Variants in ADAM8 observed in about 807,000 individuals in gnomAD.
ADAM8 encodes ADAM metallopeptidase domain 8, also known as disintegrin and metalloproteinase domain-containing protein 8.
ADAM8 carries 104 observed loss-of-function variants against 102.4 expected under a neutral mutation model. That is an observed-to-expected ratio of 1.02 (90% CI 0.87 to 1.20). The LOEUF (loss-of-function observed/expected upper bound fraction) is 1.20, where lower values mean the gene tolerates loss of function less well. ADAM8 is among the 50% of genes most tolerant of loss of function. The pLI is 0.00. For synonymous variants in ADAM8, 517 were observed against 485.2 expected (o/e 1.07, Z -0.86); for missense variants, 1,132 against 1,159.0 (o/e 0.98, Z 0.34).
At chr10:133,263,843 C>T in intron 21 of ADAM8, 78 bp from the exon 22 acceptor site, 1 of 1,252,934 alleles carries the variant, frequency 8.0e-7, no homozygotes, top group African/African-American at 1.6e-5. Context: ...TTCTCTGGAC[C>T]TGGAACGAAG....
At chr10:133,274,923 C>T (rs780572443) in intron 2 of ADAM8, 8 of 423,082 alleles carry the variant, frequency 1.9e-5, no homozygotes, top group South Asian at 6.5e-5. Context: ...CCCAGGGCAG[C>T]GGGCAGGTCG....
rs745801799 is a variant in ADAM8, at chr10:133,267,339, C to G, written c.2319+13G>C. The G allele has an allele frequency of 6.2e-7, 1 of 1,604,240 alleles. No individual in the cohort carries two copies. The highest frequency in any genetic ancestry group is 8.5e-7 in the Non-Finnish European group (1 of 1,176,726). ...CCCTCAGAAGGCTTGGCCGCCCAAT[C>G]ACCACTGCTCACCTGCTTTGGTGCC... On this transcript the variant is annotated intron_variant, in intron 21 of 22. Coordinates refer to ENST00000445355, the MANE Select transcript of ADAM8 (RefSeq NM_001109.5).
chr10:133,264,605 G>A (rs1380536021), intron 21 of ADAM8, among the ~76,000 whole-genome samples: 1 of 152,192 alleles, frequency 6.6e-6, no homozygotes, highest in Non-Finnish European at 1.5e-5. Context: ...CCGTGAGAGT[G>A]AAGAGTGAGT....
intron 19 of ADAM8, 77 bp from the exon 20 acceptor site, chr10:133,268,195 C>A: frequency 2.5e-6 from 3 of 1,195,088 alleles, no homozygotes; most frequent in Non-Finnish European, 3.2e-6. Context: ...CTCTCCCTCC[C>A]AGCTCCAGCC....
Position 133,273,442 on chromosome 10 carries a change from C to A in ADAM8, c.385G>T (p.Gly129Cys). Residue 129 changes from glycine (G) to cysteine (C), a missense_variant and splice_region_variant, in exon 6 of 23, where the codon GGT (glycine) becomes TGT (cysteine). Transcript: ENST00000445355. ...AGGTCTGACCCCACCTGGAAGAAAC[C>A]CCTGAGGGGAGTGGGAGCCGGGTGT... ...ASLSTCAGLRGFFQVGSDLHL... is the reference protein window; with the variant it reads ...ASLSTCAGLRCFFQVGSDLHL... 2 of 1,534,076 alleles carry A rather than the reference C, an allele frequency of 1.3e-6. No homozygotes were observed. The highest frequency in any genetic ancestry group is 2.4e-5 in the South Asian group (2 of 83,568).
chr10:133,275,373 C>T (rs949776803), intron 2 of ADAM8, 111 bp downstream of exon 2: 5 of 789,056 alleles, frequency 6.3e-6, no homozygotes, highest in African/African-American at 1.8e-5. Flanking sequence ...CTGTACAGGG[C>T]AGCCCCAGAC....
At chr10:133,263,632 G>GAGGCCGTGCCACTGTCAGCCCCGTGGGA (rs1316706127) in intron 22 of ADAM8, 56 bp downstream of exon 22, 5 of 1,484,432 alleles carry the variant, frequency 3.4e-6, no homozygotes, top group Non-Finnish European at 3.6e-6. Flanking sequence ...GCCCCGTGGG[G>GAGGCCGTGCCACTGTCAGCCCCGTGGGA]AGGCCGTGCC....
chr10:133,270,569 G>T, intron 15 of ADAM8, 59 bp from the exon 16 acceptor site: 2 of 1,557,648 alleles, frequency 1.3e-6, no homozygotes, highest in South Asian at 2.4e-5. Flanking sequence ...GGGAGCCCAG[G>T]AGCCACAGTG....
chr10:133,272,708 G>A, intron 8 of ADAM8, 90 bp downstream of exon 8: 4 of 1,531,134 alleles, frequency 2.6e-6, no homozygotes, highest in Non-Finnish European at 3.5e-6. Context: ...GCGGGGCAGA[G>A]CTGGAGCAGG....
rs890671792 is a variant in ADAM8 at position 133,269,342 on chromosome 10, G to C, written c.1948+103C>G. 5.3e-6 allele frequency: 7 copies of C among 1,316,692 alleles called. No individual in the cohort carries two copies. The African/African-American group carries it at 9.0e-5, about 17-fold the overall frequency. The allele number at this position is 1,316,692 out of a possible 1,614,324, so 81.6% of individuals were successfully genotyped here. A position where few individuals can be genotyped will look rare whatever the true frequency, so the allele number is the denominator to read the frequency against. On this transcript the variant is annotated intron_variant, in intron 18 of 22. Transcript: ENST00000445355. ...ATGCCTGTGGCAGCAAACTGGCACCGTGAACACCACCAGCTTCCCGGGCCC... is the reference window on the plus strand; with the variant it reads ...ATGCCTGTGGCAGCAAACTGGCACCCTGAACACCACCAGCTTCCCGGGCCC...
intron 21 of ADAM8, among the ~76,000 whole-genome samples, 154 bp downstream of exon 21, chr10:133,267,198 C>T (rs536564579): frequency 2.0e-5 from 3 of 152,342 alleles, no homozygotes; most frequent in African/African-American, 7.2e-5. Context: ...GCCTTTCTGT[C>T]TGATGTCCTC....
At chr10:133,268,959 G>A in intron 18 of ADAM8, 97 bp from the exon 19 acceptor site, 2 of 1,518,758 alleles carry the variant, frequency 1.3e-6, no homozygotes, top group Non-Finnish European at 1.8e-6. Flanking sequence ...AGCACCCCCA[G>A]GCTGTGCCCT....
At chr10:133,269,589 C>T in intron 17 of ADAM8, 60 bp from the exon 18 acceptor site, 3 of 1,470,002 alleles carry the variant, frequency 2.0e-6, no homozygotes, top group Non-Finnish European at 2.7e-6. Flanking sequence ...GCCGTGGGGG[C>T]CGTGCCTCCA....
At chr10:133,271,492 A>G (rs1288353818) in intron 12 of ADAM8, 36 bp downstream of exon 12, 2 of 1,523,538 alleles carry the variant, frequency 1.3e-6, no homozygotes, top group Admixed American at 4.1e-5. Flanking sequence ...TGTGGCACCC[A>G]GTGCTGACGG....
intron 21 of ADAM8, among the ~76,000 whole-genome samples, chr10:133,264,332 A>G (rs1287109851): frequency 1.3e-5 from 2 of 152,186 alleles, no homozygotes; most frequent in Non-Finnish European, 2.9e-5. Context: ...AAGTGCTGGG[A>G]TTACAGGCAT....
At chr10:133,269,105 G>T in intron 18 of ADAM8, 2 of 985,456 alleles carry the variant, frequency 2.0e-6, no homozygotes, top group Non-Finnish European at 2.4e-6. Flanking sequence ...TGATGCTCTG[G>T]ACGACCACAT....
intron 20 of ADAM8, 41 bp from the exon 21 acceptor site, chr10:133,267,458 CCCCCGTG>C (rs1186437843): frequency 6.4e-7 from 1 of 1,555,306 alleles, no homozygotes; most frequent in Non-Finnish European, 8.7e-7. Context: ...AGAGCTGGGA[CCCCCGTG>C]CCCCTCCAGC....
rs1245947131 is a variant in ADAM8 at position 133,268,648 on chromosome 10, C to A, written c.2063+100G>T. 26 of 1,301,198 alleles carry A rather than the reference C, an allele frequency of 2.0e-5. No homozygotes were observed. In the East Asian group the frequency reaches 5.8e-4, roughly 29 times the overall value. The allele number at this position is 1,301,198 out of a possible 1,614,324, so 80.6% of individuals were successfully genotyped here. On this transcript the variant is annotated intron_variant, in intron 19 of 22. Transcript: ENST00000445355. ...TCGGGGCACAGAGGAGCCTGGGTGT[C>A]CGTGCCGTCCACCATGGGCCCGTGC...
Position 133,275,505 on chromosome 10 carries a change from G to T in ADAM8, c.129C>A (p.Arg43=), listed in dbSNP as rs1255551686. 1.0e-5 allele frequency: 16 copies of T among 1,530,874 alleles called. No homozygotes were observed. Among genetic ancestry groups the T allele is most frequent in the Non-Finnish European group, 1.3e-5 (15 of 1,139,342 alleles). 94.8% of individuals were successfully genotyped at this position (1,530,874 alleles called of 1,614,324 possible). A position where few individuals can be genotyped will look rare whatever the true frequency, so the allele number is the denominator to read the frequency against. ...TCACCAAGTGGGAGGGCAGAGCTCGGCGGACTCGGGGGCCTGGCAGACGCC... is the reference window on the plus strand; with the variant it reads ...TCACCAAGTGGGAGGGCAGAGCTCGTCGGACTCGGGGGCCTGGCAGACGCC... ...LPWRLPGPRV[R]RALPSHLGLH... The change falls in exon 2 of 23, where the codon CGC becomes CGA. Residue 43 remains arginine, a synonymous_variant. Coordinates refer to ENST00000445355, the MANE Select transcript of ADAM8 (RefSeq NM_001109.5).
Sources: gnomAD v4.1 joint callset for allele counts (sites outside exome capture counted in the v4.1 genomes callset) on GRCh38, gnomAD v4.1.1 for gene constraint, MANE v1.5 for transcripts, NCBI Gene and HGNC (gene_info 2026-07-23, HGNC 2026-07-21) for gene names.